Variants in TMEM232 observed in about 807,000 individuals in gnomAD.
TMEM232 encodes the protein transmembrane protein 232.
Under a neutral mutation model 78.8 loss-of-function variants are expected in TMEM232, and 80 were observed. That is an observed-to-expected ratio of 1.01 (90% CI 0.85 to 1.22). TMEM232 has a LOEUF of 1.22. TMEM232 is among the 50% of genes most tolerant of loss of function. The pLI, the probability that TMEM232 is intolerant of heterozygous loss-of-function variation, is 0.00. For synonymous variants in TMEM232, 297 were observed against 254.3 expected (o/e 1.17, Z -1.60); for missense variants, 881 against 742.2 (o/e 1.19, Z -2.17).
At chr5:110,720,124 G>C (rs1001004671) in intron 1 of TMEM232, among the ~76,000 whole-genome samples, 2 of 152,034 alleles carry the variant, frequency 1.3e-5, no homozygotes, top group Non-Finnish European at 2.9e-5. Context: ...GGATTTCAGA[G>C]TTTTTTCTTA....
intron 10 of TMEM232, among the ~76,000 whole-genome samples, chr5:110,597,684 G>A (rs1169767937): frequency 1.3e-5 from 2 of 151,714 alleles, no homozygotes; most frequent in African/African-American, 4.8e-5. Context: ...CAATGGAACA[G>A]AACAGAGCCC....
chr5:110,607,029 A>G (rs1781622207), intron 8 of TMEM232, among the ~76,000 whole-genome samples: 1 of 152,018 alleles, frequency 6.6e-6, no homozygotes, highest in Admixed American at 6.6e-5. Context: ...AGTATATTTT[A>G]CAAGATTATT....
intron 12 of TMEM232, among the ~76,000 whole-genome samples, chr5:110,506,046 G>A (rs1014695564): frequency 1.3e-5 from 2 of 152,086 alleles, no homozygotes; most frequent in Non-Finnish European, 2.9e-5. Context: ...TATAGAGGGT[G>A]TCTATTGCTC....
chr5:110,565,624 CG>C (rs1561699534), intron 11 of TMEM232, among the ~76,000 whole-genome samples: 1 of 151,910 alleles, frequency 6.6e-6, no homozygotes, highest in Non-Finnish European at 1.5e-5. Context: ...GGAATTTAAA[CG>C]GAATTATTTT....
intron 12 of TMEM232, among the ~76,000 whole-genome samples, chr5:110,438,370 C>CTCTGCCTCTCCA (rs1172528265): frequency 6.6e-6 from 1 of 151,718 alleles, no homozygotes; most frequent in Admixed American, 6.6e-5. Flanking sequence ...CCTAACTTGG[C>CTCTGCCTCTCCA]TCTGCCTCTC....
At chr5:110,529,785 C>T (rs1771159008) in intron 11 of TMEM232, among the ~76,000 whole-genome samples, 1 of 152,094 alleles carries the variant, frequency 6.6e-6, no homozygotes, top group Admixed American at 6.5e-5. Context: ...TTCTTCTTTA[C>T]TTCTTTTAAA....
chr5:110,536,987 A>T (rs1772443287), intron 11 of TMEM232, among the ~76,000 whole-genome samples: 1 of 152,128 alleles, frequency 6.6e-6, no homozygotes, highest in Admixed American at 6.5e-5. Context: ...CATCTAACTA[A>T]CGTCAGAGAT....
chr5:110,429,581 T>A lies in TMEM232; in HGVS notation c.1704-4665A>T, dbSNP rs894028078. Among the ~76,000 whole-genome samples the A allele has an allele frequency of 3.3e-5, 5 of 151,692 alleles. No homozygotes were observed. The South Asian group carries it at 1.0e-3, about 31-fold the overall frequency. On this transcript the variant is annotated intron_variant, in intron 12 of 13. Transcript: ENST00000455884. Reference sequence around the variant, plus strand: ...TCACCTAAGATCTGGCTTGGAAGCATCAGTTGAGCAGATAAAATATTGTTT... The same window carrying A: ...TCACCTAAGATCTGGCTTGGAAGCAACAGTTGAGCAGATAAAATATTGTTT...
chr5:110,565,631 AT>A (rs1776255328), intron 11 of TMEM232, among the ~76,000 whole-genome samples: 1 of 152,002 alleles, frequency 6.6e-6, no homozygotes, highest in African/African-American at 2.4e-5. Context: ...AAACGGAATT[AT>A]TTTTTCTCTG....
intron 11 of TMEM232, among the ~76,000 whole-genome samples, chr5:110,535,549 A>T (rs1439773289): frequency 6.6e-6 from 1 of 152,170 alleles, no homozygotes; most frequent in Non-Finnish European, 1.5e-5. Flanking sequence ...TTACACAGTA[A>T]ATGTATACAA....
Position 110,391,326 on chromosome 5 carries a change from T to TGTGTGTGTGTGAGAGAGAGAGAGAGAGA in TMEM232, n.391-687_391-686insTCTCTCTCTCTCTCTCTCACACACACAC, listed in dbSNP as rs549361387. Among the ~76,000 whole-genome samples the TGTGTGTGTGTGAGAGAGAGAGAGAGAGA allele has an allele frequency of 4.8e-4, 67 of 139,876 alleles. 1 individual carries two copies. Among genetic ancestry groups the TGTGTGTGTGTGAGAGAGAGAGAGAGAGA allele is most frequent in the African/African-American group, 1.8e-3 (61 of 33,994 alleles). 91.8% of individuals were successfully genotyped at this position (139,876 alleles called of 152,430 possible). On this transcript the variant is annotated intron_variant and non_coding_transcript_variant, in intron 3 of 8. Coordinates refer to the TMEM232 transcript ENST00000507188. ...GTGTGTGTGTGTGTGTGTGTGTGTG[T>TGTGTGTGTGTGAGAGAGAGAGAGAGAGA]GAGAGAGAGAGAGAGAGAGAGAAAC...
chr5:110,458,697 T>A (rs539251006), intron 12 of TMEM232, among the ~76,000 whole-genome samples: 1 of 152,350 alleles, frequency 6.6e-6, no homozygotes, highest in South Asian at 2.1e-4. Context: ...TGTTTATATA[T>A]GGATGTACTT....
At chr5:110,566,306 T>C (rs1043688669) in intron 11 of TMEM232, among the ~76,000 whole-genome samples, 4 of 151,958 alleles carry the variant, frequency 2.6e-5, no homozygotes, top group Non-Finnish European at 5.9e-5. Flanking sequence ...GTCTCTGACA[T>C]GTCCTGGACA....
intron 12 of TMEM232, among the ~76,000 whole-genome samples, chr5:110,430,500 A>T (rs1340520840): frequency 6.6e-6 from 1 of 151,754 alleles, no homozygotes; most frequent in Non-Finnish European, 1.5e-5. Context: ...GTTTCAAAAG[A>T]GCTACTATTT....
intron 12 of TMEM232, among the ~76,000 whole-genome samples, chr5:110,491,630 A>G (rs1359472968): frequency 6.6e-6 from 1 of 152,018 alleles, no homozygotes; most frequent in Non-Finnish European, 1.5e-5. Flanking sequence ...GAATTGAGAT[A>G]TATTTTGTGG....
intron 12 of TMEM232, among the ~76,000 whole-genome samples, chr5:110,459,844 C>G (rs955437720): frequency 3.3e-5 from 5 of 152,146 alleles, no homozygotes; most frequent in African/African-American, 1.2e-4. Context: ...CTGAGAAGGA[C>G]ACATTGTTTC....
intron 12 of TMEM232, among the ~76,000 whole-genome samples, chr5:110,485,152 C>T (rs1221898868): frequency 6.6e-6 from 1 of 152,000 alleles, no homozygotes; most frequent in Non-Finnish European, 1.5e-5. Context: ...AAGTCATTTT[C>T]CAAAAAAGAT....
chr5:110,512,599 G>A lies in TMEM232; in HGVS notation c.1703+15989C>T, dbSNP rs150026207. ...GGAAACATCAATTTCCCTGACAGGC[G>A]GACAGAAATCTGAAAACATCTGCCC... On this transcript the variant is annotated intron_variant, in intron 12 of 13. Coordinates refer to ENST00000455884, the MANE Select transcript of TMEM232 (RefSeq NM_001039763.4). Among the ~76,000 whole-genome samples the A allele has an allele frequency of 9.7e-3, 1,473 of 152,154 alleles. 35 individuals are homozygous for A. The highest frequency in any genetic ancestry group is 0.033 in the African/African-American group (1,377 of 41,528).
chr5:110,692,397 T>C (rs1341288770), intron 1 of TMEM232, among the ~76,000 whole-genome samples: 3 of 152,232 alleles, frequency 2.0e-5, no homozygotes, highest in Non-Finnish European at 2.9e-5. Flanking sequence ...GGGTGATTTC[T>C]GCATATCCAA....
Sources: gnomAD v4.1 joint callset for allele counts (sites outside exome capture counted in the v4.1 genomes callset) on GRCh38, gnomAD v4.1.1 for gene constraint, MANE v1.5 for transcripts, NCBI Gene and HGNC (gene_info 2026-07-23, HGNC 2026-07-21) for gene names.